PPFIA1: variants seen among roughly 807,000 people sequenced by gnomAD.
The protein encoded by PPFIA1 is PPFI scaffold protein A1.
In PPFIA1, 25 loss-of-function variants were observed where a neutral mutation model predicts 149.9. The ratio of observed to expected loss-of-function variants is 0.17; its 90% CI spans 0.12 to 0.23. The LOEUF (loss-of-function observed/expected upper bound fraction) is 0.23, where lower values mean the gene tolerates loss of function less well. Ranked by LOEUF, PPFIA1 falls within the 10% of genes least tolerant of loss-of-function variation. The pLI is 1.00. For missense variants in PPFIA1, 1,362 were observed against 1,506.5 expected (o/e 0.90, Z 1.59); for synonymous variants, 549 against 552.8 (o/e 0.99, Z 0.10).
At chr11:70,291,496 C>T (rs893547261) in intron 2 of PPFIA1, among the ~76,000 whole-genome samples, 4 of 152,154 alleles carry the variant, frequency 2.6e-5, no homozygotes, top group African/African-American at 9.7e-5. Context: ...TGGCTCAGCT[C>T]ATTTTCCTCC....
rs534038312 is a variant in PPFIA1, at chr11:70,301,343, G to A, written c.265-23059G>A. ...GATGGAGAGAACTCAGCTTCCCTGC[G>A]CACTTGGTTTTGGTCCTCACCATGG... On this transcript the variant is annotated intron_variant, in intron 2 of 27. Coordinates refer to ENST00000253925, the MANE Select transcript of PPFIA1 (RefSeq NM_003626.5). Among the ~76,000 whole-genome samples, 25 of 152,216 alleles carry A rather than the reference G, an allele frequency of 1.6e-4. 1 individual carries two copies. In the South Asian group the frequency reaches 3.7e-3, roughly 23 times the overall value.
intron 2 of PPFIA1, among the ~76,000 whole-genome samples, chr11:70,277,954 G>T (rs144077716): frequency 6.6e-6 from 1 of 151,798 alleles, no homozygotes; most frequent in African/African-American, 2.4e-5. Flanking sequence ...CTCTGTCGCC[G>T]GTCTGGAGTG....
intron 2 of PPFIA1, among the ~76,000 whole-genome samples, chr11:70,310,704 A>G (rs1252601366): frequency 2.0e-5 from 3 of 152,246 alleles, no homozygotes; most frequent in East Asian, 1.9e-4. Context: ...TTCTAAAAGC[A>G]CTAAGGGCTT....
intron 23 of PPFIA1, chr11:70,374,126 C>T (rs184490795): frequency 1.3e-5 from 2 of 152,320 alleles, no homozygotes; most frequent in East Asian, 1.9e-4. Context: ...GTAATCTCAG[C>T]ACTTTGGGAG....
At chr11:70,288,014 C>T (rs887331716) in intron 2 of PPFIA1, among the ~76,000 whole-genome samples, 4 of 151,296 alleles carry the variant, frequency 2.6e-5, no homozygotes, top group Admixed American at 6.6e-5. Flanking sequence ...GGTCCCACTG[C>T]GCTGGGGCTC....
chr11:70,376,131 G>A (rs192318951), intron 24 of PPFIA1, among the ~76,000 whole-genome samples: 21 of 152,184 alleles, frequency 1.4e-4, no homozygotes, highest in African/African-American at 3.4e-4. Context: ...TGAGATTACC[G>A]GCACACGCCA....
intron 2 of PPFIA1, among the ~76,000 whole-genome samples, chr11:70,321,938 C>T (rs1477768543): frequency 1.3e-5 from 2 of 152,326 alleles, no homozygotes; most frequent in Admixed American, 6.5e-5. Flanking sequence ...GGTGCAATCT[C>T]GGCCCACCGG....
intron 2 of PPFIA1, among the ~76,000 whole-genome samples, chr11:70,287,870 C>G (rs1031618757): frequency 6.6e-6 from 1 of 151,924 alleles, no homozygotes; most frequent in Non-Finnish European, 1.5e-5. Context: ...TGGTCTTGAA[C>G]TCCTGGGCTC....
intron 2 of PPFIA1, chr11:70,320,109 T>A (rs1591194321): frequency 6.6e-6 from 1 of 152,256 alleles, no homozygotes; most frequent in African/African-American, 2.4e-5. Context: ...AGATATGCAC[T>A]ATTTCTTGAA....
chr11:70,380,133 C>T (rs1322722043), intron 26 of PPFIA1, among the ~76,000 whole-genome samples: 1 of 152,130 alleles, frequency 6.6e-6, no homozygotes, highest in Admixed American at 6.5e-5. Context: ...CTAGGCCGGG[C>T]GCGGTGGCTC....
Position 70,384,241 on chromosome 11 carries a change from G to A in PPFIA1, c.*1251G>A, listed in dbSNP as rs1243533515. 2.0e-5 allele frequency: 3 copies of A among 152,400 alleles called. No homozygotes were observed. Among genetic ancestry groups the A allele is most frequent in the African/African-American group, 7.2e-5 (3 of 41,446 alleles). 9.4% of individuals were successfully genotyped at this position (152,400 alleles called of 1,614,324 possible). On this transcript the variant is annotated 3_prime_UTR_variant, in exon 28 of 28. Coordinates refer to ENST00000253925, the MANE Select transcript of PPFIA1 (RefSeq NM_003626.5). ...GTTGGTTTCTGCTTTTAATTTACTT[G>A]TACAATTCATTGTTACTGTTCTGTT...
At chr11:70,346,416 T>G (rs2055709893) in intron 15 of PPFIA1, among the ~76,000 whole-genome samples, 1 of 151,634 alleles carries the variant, frequency 6.6e-6, no homozygotes, top group Admixed American at 6.6e-5. Flanking sequence ...ACAAGAGCTG[T>G]GTTACTCCAG....
intron 2 of PPFIA1, among the ~76,000 whole-genome samples, chr11:70,285,902 C>T (rs776783617): frequency 6.6e-6 from 1 of 152,008 alleles, no homozygotes; most frequent in African/African-American, 2.4e-5. Flanking sequence ...GGTTATTTAG[C>T]CCACATTTTT....
At chr11:70,329,550 A>G (rs776054151) in intron 7 of PPFIA1, among the ~76,000 whole-genome samples, 9 of 152,136 alleles carry the variant, frequency 5.9e-5, no homozygotes, top group Admixed American at 3.3e-4. Flanking sequence ...GGACTCGAGC[A>G]ATCCTCCTGT....
Position 70,326,604 on chromosome 11 carries a change from C to T in PPFIA1, c.716C>T (p.Ser239Phe), listed in dbSNP as rs752868284. 6.2e-7 allele frequency: 1 copy of T among 1,612,964 alleles called. No individual in the cohort carries two copies. The highest frequency in any genetic ancestry group is 1.3e-5 in the African/African-American group (1 of 74,944). The change falls in exon 7 of 28, where the codon TCT becomes TTT. Residue 239 changes from serine (S) to phenylalanine (F), a missense_variant. Physicochemically the swap from Ser to Phe is radical, Grantham distance 155 (BLOSUM62 -2). Coordinates refer to ENST00000253925, the MANE Select transcript of PPFIA1 (RefSeq NM_003626.5). ...TTTTTTTCCCCCTATCAGAGATCTT[C>T]TGATGGTTCTTTAAGCCACGAGGAA... ...NTPSTSGKRS[S>F]DGSLSHEEDL... is the part of the protein sequence containing the mutation.
intron 21 of PPFIA1, among the ~76,000 whole-genome samples, chr11:70,367,973 C>G (rs1399424776): frequency 6.6e-6 from 1 of 152,032 alleles, no homozygotes; most frequent in Non-Finnish European, 1.5e-5. Context: ...CCTGTCTCTA[C>G]AAAAAATATA....
intron 14 of PPFIA1, among the ~76,000 whole-genome samples, chr11:70,341,491 T>G (rs1487807356): frequency 6.6e-6 from 1 of 152,090 alleles, no homozygotes; most frequent in Non-Finnish European, 1.5e-5. Context: ...AGACACTGGC[T>G]TAGAGGAGAC....
chr11:70,347,645 G>T (rs1434172035), intron 15 of PPFIA1, among the ~76,000 whole-genome samples: 1 of 152,200 alleles, frequency 6.6e-6, no homozygotes, highest in African/African-American at 2.4e-5. Context: ...GTTCGAGGCT[G>T]CAGTGAGCTG....
intron 2 of PPFIA1, among the ~76,000 whole-genome samples, chr11:70,286,964 C>G (rs11235741): frequency 1.4e-5 from 2 of 142,524 alleles, no homozygotes; most frequent in Admixed American, 1.4e-4. Context: ...TATATATATA[C>G]ATATACACAT....
Sources: allele counts gnomAD v4.1 joint callset (sites outside exome capture counted in the v4.1 genomes callset), GRCh38; gene constraint gnomAD v4.1.1; transcripts MANE v1.5; gene names NCBI Gene and HGNC (gene_info 2026-07-23, HGNC 2026-07-21).